The following GLIS3 variants were observed in gnomAD, a reference collection of about 807,000 sequenced individuals.
The protein encoded by GLIS3 is zinc finger protein GLIS3.
In GLIS3, 53 loss-of-function variants were observed where a neutral mutation model predicts 78.6. The ratio of observed to expected loss-of-function variants is 0.67; its 90% CI spans 0.54 to 0.85. GLIS3 has a LOEUF of 0.85. GLIS3 is among the 40% of genes least tolerant of loss of function. GLIS3 has a pLI of 0.00. For synonymous variants in GLIS3, 684 were observed against 509.9 expected (o/e 1.34, Z -4.60); for missense variants, 1,703 against 1,231.1 (o/e 1.38, Z -5.74).
At chr9:4,225,840 A>G (rs1209389238) in intron 2 of GLIS3, among the ~76,000 whole-genome samples, 1 of 152,202 alleles carries the variant, frequency 6.6e-6, no homozygotes, top group East Asian at 1.9e-4. Flanking sequence ...GGAAGACTGC[A>G]TATGCAATTT....
Position 4,274,577 on chromosome 9 carries a change from T to A in GLIS3, c.388+11461A>T, listed in dbSNP as rs1051698670. ...GTGGAAGTGGAAGAGTCAGCGGTCATCCTGGCAGGGGATGGGACCACACAT... is the reference window on the plus strand; with the variant it reads ...GTGGAAGTGGAAGAGTCAGCGGTCAACCTGGCAGGGGATGGGACCACACAT... On this transcript the variant is annotated intron_variant, in intron 2 of 10. Transcript: ENST00000381971. Among the ~76,000 whole-genome samples, 3 of 152,184 alleles carry A rather than the reference T, an allele frequency of 2.0e-5. No individual in the cohort carries two copies. In the East Asian group the frequency reaches 5.8e-4, roughly 29 times the overall value.
the GLIS3 span, among the ~76,000 whole-genome samples, chr9:4,389,194 G>C: frequency 1.3e-5 from 2 of 152,292 alleles, no homozygotes; most frequent in Non-Finnish European, 2.9e-5. Flanking sequence ...GAGCAATTCA[G>C]TAACTTGTCC....
intron 2 of GLIS3, among the ~76,000 whole-genome samples, chr9:4,138,840 A>G (rs1371788910): frequency 1.3e-5 from 2 of 152,240 alleles, no homozygotes; most frequent in Admixed American, 1.3e-4. Flanking sequence ...GTAGGCATTC[A>G]TATTCTTACT....
At chr9:4,101,968 C>T (rs1564051712) in intron 4 of GLIS3, among the ~76,000 whole-genome samples, 1 of 152,182 alleles carries the variant, frequency 6.6e-6, no homozygotes, top group Non-Finnish European at 1.5e-5. Context: ...CACACATTTT[C>T]TGTATATTTT....
chr9:4,117,844 T>C lies in GLIS3; in HGVS notation c.1634A>G (p.Tyr545Cys), dbSNP rs1831791853. ...TCFWAGCPRR[Y>C]KPFNARYKLL... ...TTTATAGCGGGCGTTGAAGGGCTTGTATCTTCGAGGGCAACCGGCCCAGAA... is the reference window on the plus strand; with the variant it reads ...TTTATAGCGGGCGTTGAAGGGCTTGCATCTTCGAGGGCAACCGGCCCAGAA... The change falls in exon 4 of 11, where the codon TAC (tyrosine) becomes TGC (cysteine). Residue 545 changes from tyrosine to cysteine, a missense_variant. By Grantham distance (194) the Tyr-to-Cys change is radical. Transcript: ENST00000381971. 7 of 1,614,180 alleles carry C rather than the reference T, an allele frequency of 4.3e-6. No individual in the cohort carries two copies. Among genetic ancestry groups the C allele is most frequent in the Non-Finnish European group, 5.1e-6 (6 of 1,180,028 alleles).
the GLIS3 span, among the ~76,000 whole-genome samples, chr9:4,418,351 G>A: frequency 6.6e-6 from 1 of 152,222 alleles, no homozygotes; most frequent in African/African-American, 2.4e-5. Flanking sequence ...CCTTATGCAA[G>A]TCACAACATT....
intron 4 of GLIS3, among the ~76,000 whole-genome samples, chr9:4,017,313 G>A (rs1822520199): frequency 6.6e-6 from 1 of 152,164 alleles, no homozygotes. Context: ...CTCTGCAGCA[G>A]GAATAGCAAG....
chr9:4,421,597 G>C, the GLIS3 span, among the ~76,000 whole-genome samples: 5 of 152,250 alleles, frequency 3.3e-5, no homozygotes, highest in Non-Finnish European at 7.3e-5. Flanking sequence ...CCTCACCCAA[G>C]ATACAGTTGT....
intron 2 of GLIS3, among the ~76,000 whole-genome samples, chr9:4,180,312 C>T (rs1300217594): frequency 6.6e-6 from 1 of 152,190 alleles, no homozygotes; most frequent in Non-Finnish European, 1.5e-5. Context: ...TCACATTCTT[C>T]CAACCCTGCT....
rs150828280 is a variant in GLIS3, at chr9:3,840,086, A to C, written c.2474-10594T>G. On this transcript the variant is annotated intron_variant, in intron 9 of 10. Transcript: ENST00000381971. The stretch of plus-strand genomic sequence containing the variant: ...TTTTCTTGAGCGTCATTTTCTTTGA[A>C]ATTTTATAGGGTTGTGGAAAATATT... 6.0e-4 allele frequency among the ~76,000 whole-genome samples: 91 copies of C among 152,240 alleles called. No homozygotes were observed. In the Middle Eastern group the frequency reaches 0.01, roughly 17 times the overall value.
At chr9:4,082,389 T>G (rs1828627191) in intron 4 of GLIS3, among the ~76,000 whole-genome samples, 1 of 152,196 alleles carries the variant, frequency 6.6e-6, no homozygotes, top group African/African-American at 2.4e-5. Flanking sequence ...CTGTGTTTCT[T>G]CCCCTAAGAA....
intron 4 of GLIS3, among the ~76,000 whole-genome samples, chr9:4,042,906 C>A (rs1220898461): frequency 1.4e-5 from 2 of 147,976 alleles, no homozygotes; most frequent in Admixed American, 6.8e-5. Context: ...GAGCAGAATG[C>A]AGCTATGTGC....
At chr9:4,067,870 T>C (rs1564007191) in intron 4 of GLIS3, among the ~76,000 whole-genome samples, 1 of 151,378 alleles carries the variant, frequency 6.6e-6, no homozygotes, top group Non-Finnish European at 1.5e-5. Context: ...ACAATAATAG[T>C]TAAAAATAGA....
chr9:4,087,485 G>C (rs148260780), intron 4 of GLIS3, among the ~76,000 whole-genome samples: 9 of 152,246 alleles, frequency 5.9e-5, no homozygotes, highest in African/African-American at 2.2e-4. Context: ...ATAGATCTAA[G>C]GCCTCCCTCC....
chr9:4,449,966 G>A, the GLIS3 span, among the ~76,000 whole-genome samples: 1 of 152,148 alleles, frequency 6.6e-6, no homozygotes. Flanking sequence ...CTCCTCACTA[G>A]CAATGGAACA....
the GLIS3 span, among the ~76,000 whole-genome samples, chr9:4,377,963 G>C: frequency 1.3e-5 from 2 of 152,078 alleles, no homozygotes; most frequent in Non-Finnish European, 2.9e-5. Context: ...ATGTCTATAA[G>C]ATTGTAAAGC....
chr9:4,466,675 T>G, the GLIS3 span, among the ~76,000 whole-genome samples: 1 of 152,208 alleles, frequency 6.6e-6, no homozygotes, highest in Non-Finnish European at 1.5e-5. Context: ...GGTTCCAAGA[T>G]GGCTGAATAG....
At chr9:4,226,121 T>G (rs1189780526) in intron 2 of GLIS3, among the ~76,000 whole-genome samples, 1 of 152,208 alleles carries the variant, frequency 6.6e-6, no homozygotes, top group East Asian at 1.9e-4. Flanking sequence ...AATTACTAAT[T>G]CCTGCCTCTG....
chr9:4,177,749 G>A (rs714867), intron 2 of GLIS3, among the ~76,000 whole-genome samples: 108,923 of 152,148 alleles, frequency 0.72, 40,075 homozygotes, highest in African/African-American at 0.89. Flanking sequence ...TATGGAAAGT[G>A]TTCCTGGTGG....
Sources: gnomAD v4.1 joint callset for allele counts (sites outside exome capture counted in the v4.1 genomes callset) on GRCh38, gnomAD v4.1.1 for gene constraint, MANE v1.5 for transcripts, NCBI Gene and HGNC (gene_info 2026-07-23, HGNC 2026-07-21) for gene names.